Variants in FBXL20 observed in about 807,000 individuals in gnomAD.
FBXL20 encodes the protein F-box and leucine rich repeat protein 20, also known as F-box/LRR-repeat protein 20.
In FBXL20, 11 loss-of-function variants were observed where a neutral mutation model predicts 64.0. That is an observed-to-expected ratio of 0.17 (90% CI 0.11 to 0.28). FBXL20 has a LOEUF of 0.28. Ranked by LOEUF, FBXL20 falls within the 10% of genes least tolerant of loss-of-function variation. The pLI is 1.00. For missense variants in FBXL20, 303 were observed against 526.2 expected (o/e 0.58, Z 4.15); for synonymous variants, 184 against 189.0 (o/e 0.97, Z 0.22).
chr17:39,375,788 A>T (rs1484780585), intron 1 of FBXL20, among the ~76,000 whole-genome samples: 1 of 152,166 alleles, frequency 6.6e-6, no homozygotes, highest in East Asian at 1.9e-4. Flanking sequence ...GTATCATTTT[A>T]ATTTACCCCA....
rs1351128382 is a variant in FBXL20 at position 39,268,832 on chromosome 17, C to G, written c.928G>C (p.Val310Leu). Residue 310 changes from valine to leucine, a missense_variant, in exon 12 of 15, where the codon GTT becomes CTT. Physicochemically the swap from Val to Leu is conservative, Grantham distance 32. Coordinates refer to ENST00000264658, the MANE Select transcript of FBXL20 (RefSeq NM_032875.3). ...ELEKMDLEEC[V>L]QITDSTLIQL... ...ATTAAAATCTACAATCTTACCTGAA[C>G]ACACTCTTCCAGGTCCATCTTTTCA... 4 of 1,613,048 alleles carry G rather than the reference C, an allele frequency of 2.5e-6. No individual in the cohort carries two copies. In the South Asian group the frequency reaches 4.4e-5, roughly 18 times the overall value.
chr17:39,316,223 T>A (rs534188694), intron 2 of FBXL20, among the ~76,000 whole-genome samples: 5 of 152,074 alleles, frequency 3.3e-5, no homozygotes, highest in Non-Finnish European at 4.4e-5. Context: ...AATAGAAACA[T>A]AGTTATCAAT....
chr17:39,396,642 C>A (rs1178012830), intron 1 of FBXL20, among the ~76,000 whole-genome samples: 1 of 149,594 alleles, frequency 6.7e-6, no homozygotes, highest in Non-Finnish European at 1.5e-5. Context: ...CAGTTAGTTG[C>A]TAGCAAAAAA....
chr17:39,315,393 T>TTTTATATATATATATATATATA (rs147050998), intron 2 of FBXL20, among the ~76,000 whole-genome samples: 3 of 134,552 alleles, frequency 2.2e-5, no homozygotes, highest in Admixed American at 7.5e-5. Flanking sequence ...TTTAAATAAT[T>TTTTATATATATATATATATATA]TATATATATA....
intron 9 of FBXL20, 149 bp downstream of exon 9, chr17:39,281,240 G>GT (rs1454502701): frequency 1.5e-6 from 1 of 679,018 alleles, no homozygotes; most frequent in Non-Finnish European, 2.5e-6. Flanking sequence ...TGTTAAGCAC[G>GT]TCAAAAGTCA....
At chr17:39,301,815 A>G (rs1432111463) in intron 3 of FBXL20, among the ~76,000 whole-genome samples, 4 of 151,882 alleles carry the variant, frequency 2.6e-5, no homozygotes, top group African/African-American at 9.7e-5. Flanking sequence ...GAGGTGAGCC[A>G]GGAGGTAAGG....
chr17:39,290,667 C>T (rs968981265), intron 6 of FBXL20, among the ~76,000 whole-genome samples: 6 of 152,150 alleles, frequency 3.9e-5, no homozygotes, highest in East Asian at 3.9e-4. Flanking sequence ...TGGACCCAAG[C>T]GATCCTCCCA....
At chr17:39,318,422 G>A (rs776153735) in intron 2 of FBXL20, among the ~76,000 whole-genome samples, 1 of 152,024 alleles carries the variant, frequency 6.6e-6, no homozygotes, top group Non-Finnish European at 1.5e-5. Flanking sequence ...TAAATTTTCT[G>A]TTACGAACAT....
intron 6 of FBXL20, among the ~76,000 whole-genome samples, chr17:39,289,068 T>C (rs1430122479): frequency 1.3e-5 from 2 of 152,192 alleles, no homozygotes; most frequent in African/African-American, 4.8e-5. Context: ...AGCTTGTCTA[T>C]GTGTGGGCTC....
intron 2 of FBXL20, among the ~76,000 whole-genome samples, chr17:39,340,617 G>A (rs1429080552): frequency 5.3e-5 from 8 of 152,066 alleles, no homozygotes; most frequent in Non-Finnish European, 1.0e-4. Context: ...GAAAGCTGGA[G>A]TATAAATTCT....
intron 1 of FBXL20, among the ~76,000 whole-genome samples, chr17:39,372,669 G>C (rs1455754379): frequency 7.0e-6 from 1 of 143,182 alleles, no homozygotes; most frequent in Non-Finnish European, 1.5e-5. Context: ...AGGCTGTAGT[G>C]CAATGGTGCA....
intron 1 of FBXL20, among the ~76,000 whole-genome samples, chr17:39,375,229 T>C (rs572849186): frequency 6.6e-6 from 1 of 151,512 alleles, no homozygotes; most frequent in South Asian, 2.1e-4. Context: ...GGCCATCTTC[T>C]GCAAAACAAA....
chr17:39,324,224 G>A (rs953789381), intron 2 of FBXL20, among the ~76,000 whole-genome samples: 4 of 149,642 alleles, frequency 2.7e-5, no homozygotes, highest in East Asian at 1.9e-4. Context: ...GTCCTAGCTC[G>A]GACCTACAGA....
chr17:39,279,732 C>CA (rs982051755), intron 9 of FBXL20, among the ~76,000 whole-genome samples: 2 of 151,400 alleles, frequency 1.3e-5, no homozygotes, highest in South Asian at 2.1e-4. Context: ...CCCATCTCTA[C>CA]AAAAAAAATA....
At chr17:39,297,085 T>A in intron 6 of FBXL20, 42 bp downstream of exon 6, 1 of 1,421,878 alleles carries the variant, frequency 7.0e-7, no homozygotes, top group East Asian at 2.3e-5. Context: ...CAGCCAGACA[T>A]AAGGGGTTAT....
intron 1 of FBXL20, among the ~76,000 whole-genome samples, chr17:39,354,537 T>C (rs1008214986): frequency 6.6e-6 from 1 of 152,202 alleles, no homozygotes; most frequent in Non-Finnish European, 1.5e-5. Context: ...ATGTCTGTTT[T>C]GTCACCACAG....
chr17:39,375,327 T>A (rs1567901761), intron 1 of FBXL20, among the ~76,000 whole-genome samples: 1 of 151,986 alleles, frequency 6.6e-6, no homozygotes, highest in South Asian at 2.1e-4. Context: ...CAATCAAACA[T>A]GTACTCGGAG....
intron 1 of FBXL20, among the ~76,000 whole-genome samples, chr17:39,372,782 C>T (rs2047931098): frequency 6.6e-6 from 1 of 151,384 alleles, no homozygotes; most frequent in Admixed American, 6.6e-5. Context: ...TGTGCTACCA[C>T]ACCTGGCTAA....
chr17:39,290,396 C>G (rs180857176), intron 6 of FBXL20, among the ~76,000 whole-genome samples: 530 of 152,216 alleles, frequency 3.5e-3, no homozygotes, highest in African/African-American at 0.012. Context: ...GCATTAGGCA[C>G]AACATCCAGT....
Sources: gnomAD v4.1 joint callset for allele counts (sites outside exome capture counted in the v4.1 genomes callset) on GRCh38, gnomAD v4.1.1 for gene constraint, MANE v1.5 for transcripts, NCBI Gene and HGNC (gene_info 2026-07-23, HGNC 2026-07-21) for gene names.